Variants in GALNT13 observed in about 807,000 individuals in gnomAD.
The protein encoded by GALNT13 is polypeptide N-acetylgalactosaminyltransferase 13.
Under a neutral mutation model 64.2 loss-of-function variants are expected in GALNT13, and 28 were observed. The ratio of observed to expected loss-of-function variants is 0.44; its 90% confidence interval spans 0.32 to 0.60. The LOEUF is 0.60. Among genes scored for constraint, GALNT13 ranks in the 20% least tolerant of loss-of-function variants. GALNT13 has a pLI of 0.05. For missense variants in GALNT13, 577 were observed against 669.8 expected, an observed-to-expected ratio of 0.86 and a Z score of 1.53; for synonymous variants, 214 against 224.6, an observed-to-expected ratio of 0.95 and a Z score of 0.42.
chr2:153,823,586 A>G, the GALNT13 span, among the ~76,000 whole-genome samples: 2 of 151,038 alleles, frequency 1.3e-5, no homozygotes, highest in African/African-American at 4.9e-5. Context: ...ATCAAATTAG[A>G]CCCCCAACCT....
intron 9 of GALNT13, among the ~76,000 whole-genome samples, chr2:154,392,950 G>T (rs1045218371): frequency 6.6e-6 from 1 of 152,142 alleles, no homozygotes; most frequent in African/African-American, 2.4e-5. Flanking sequence ...AATTCCTAAT[G>T]AGTTAAAAAT....
At chr2:153,680,098 C>A in the GALNT13 span, among the ~76,000 whole-genome samples, 1 of 151,578 alleles carries the variant, frequency 6.6e-6, no homozygotes, top group African/African-American at 2.4e-5. Flanking sequence ...GCTTCATCTT[C>A]CGTTAAGAAG....
the GALNT13 span, among the ~76,000 whole-genome samples, chr2:153,277,104 T>A: frequency 6.6e-6 from 1 of 152,322 alleles, no homozygotes; most frequent in African/African-American, 2.4e-5. Context: ...GTATGGTATA[T>A]GGGTATATTG....
At chr2:153,323,434 T>C in the GALNT13 span, among the ~76,000 whole-genome samples, 1 of 152,230 alleles carries the variant, frequency 6.6e-6, no homozygotes, top group Admixed American at 6.5e-5. Context: ...TCCCATTCTG[T>C]AGGTTGCCTG....
At chr2:154,116,941 C>T (rs368493279) in intron 3 of GALNT13, among the ~76,000 whole-genome samples, 21 of 152,114 alleles carry the variant, frequency 1.4e-4, no homozygotes, top group African/African-American at 4.1e-4. Context: ...CTCACACACT[C>T]GCAATGTCCC....
At chr2:154,355,423 G>C (rs1460706327) in intron 9 of GALNT13, among the ~76,000 whole-genome samples, 2 of 152,082 alleles carry the variant, frequency 1.3e-5, no homozygotes, top group African/African-American at 4.8e-5. Context: ...TTCTTAAATA[G>C]TTTTAGTTCA....
chr2:154,200,818 T>C (rs932951521), intron 4 of GALNT13, among the ~76,000 whole-genome samples: 8 of 152,248 alleles, frequency 5.3e-5, no homozygotes, highest in Middle Eastern at 6.8e-3. Context: ...ACATTCTGAC[T>C]ATGGCAGAGA....
At chr2:154,411,582 G>T (rs1387616673) in intron 11 of GALNT13, among the ~76,000 whole-genome samples, 3 of 151,504 alleles carry the variant, frequency 2.0e-5, no homozygotes, top group African/African-American at 7.3e-5. Flanking sequence ...AAAAATATTT[G>T]AACAATATAT....
chr2:154,017,936 C>G (rs889320455), intron 3 of GALNT13, among the ~76,000 whole-genome samples: 30 of 152,252 alleles, frequency 2.0e-4, no homozygotes, highest in African/African-American at 7.0e-4. Flanking sequence ...GGAAATAGTT[C>G]TTTTTGACAC....
chr2:154,417,303 A>C (rs1176678301), intron 11 of GALNT13, among the ~76,000 whole-genome samples: 4 of 149,536 alleles, frequency 2.7e-5, no homozygotes, highest in Non-Finnish European at 6.0e-5. Context: ...AAAAAAAAAA[A>C]CCTGAAAGAG....
chr2:153,651,716 G>T, the GALNT13 span, among the ~76,000 whole-genome samples: 1 of 152,048 alleles, frequency 6.6e-6, no homozygotes, highest in African/African-American at 2.4e-5. Context: ...AACAGATCTG[G>T]GCAGAGGTTG....
the GALNT13 span, among the ~76,000 whole-genome samples, chr2:153,263,363 A>G: frequency 6.6e-6 from 1 of 152,172 alleles, no homozygotes; most frequent in East Asian, 1.9e-4. Flanking sequence ...AAAAATGGCC[A>G]TACTGCCCAA....
the GALNT13 span, among the ~76,000 whole-genome samples, chr2:153,663,056 G>T: frequency 2.6e-3 from 400 of 152,172 alleles, 2 homozygotes; most frequent in African/African-American, 8.8e-3. Flanking sequence ...AAGAAGAAAA[G>T]AAAATAACAA....
intron 2 of GALNT13, among the ~76,000 whole-genome samples, chr2:153,904,690 C>T (rs1398044550): frequency 1.3e-5 from 2 of 151,776 alleles, no homozygotes; most frequent in Non-Finnish European, 2.9e-5. Context: ...AGATTAAGAG[C>T]CTCCCATCAG....
chr2:153,572,334 T>C, the GALNT13 span, among the ~76,000 whole-genome samples: 1 of 151,528 alleles, frequency 6.6e-6, no homozygotes, highest in Non-Finnish European at 1.5e-5. Flanking sequence ...TTTATTTGTA[T>C]TTTTTCTCTC....
rs1689798030 is a variant in GALNT13, at chr2:154,246,673, T to C, written c.857+691T>C. On this transcript the variant is annotated intron_variant, in intron 7 of 12. Coordinates refer to ENST00000392825, the MANE Select transcript of GALNT13 (RefSeq NM_052917.4). ...AAAATCGATTTCCTGAAAAATACTT[T>C]CGGAAGTATTCACTAGTTTAGTTCT... Among the ~76,000 whole-genome samples the C allele has an allele frequency of 5.3e-5, 8 of 152,224 alleles. No individual in the cohort carries two copies. In the South Asian group the frequency reaches 1.7e-3, roughly 31 times the overall value.
At chr2:153,889,342 A>C (rs1463124928) in intron 1 of GALNT13, among the ~76,000 whole-genome samples, 1 of 151,932 alleles carries the variant, frequency 6.6e-6, no homozygotes, top group Non-Finnish European at 1.5e-5. Context: ...CCTTACGTTC[A>C]GTATAACTTT....
the GALNT13 span, among the ~76,000 whole-genome samples, chr2:153,242,552 G>T: frequency 5.9e-5 from 9 of 152,302 alleles, no homozygotes; most frequent in East Asian, 1.7e-3. Flanking sequence ...GACTGTCCTG[G>T]CTAGAAGTCT....
At chr2:153,835,862 C>G in the GALNT13 span, among the ~76,000 whole-genome samples, 60 of 152,110 alleles carry the variant, frequency 3.9e-4, 1 homozygote, top group African/African-American at 1.3e-3. Flanking sequence ...TATGACTTGA[C>G]TGATCTGGCC....
Sources: gnomAD v4.1 joint callset for allele counts (sites outside exome capture counted in the v4.1 genomes callset) on GRCh38, gnomAD v4.1.1 for gene constraint, MANE v1.5 for transcripts, NCBI Gene and HGNC (gene_info 2026-07-23, HGNC 2026-07-21) for gene names.